Variants in AUTS2 observed in about 807,000 individuals in gnomAD.
The protein encoded by AUTS2 is activator of transcription and developmental regulator AUTS2, also known as autism susceptibility gene 2 protein.
In AUTS2, 17 loss-of-function variants were observed where a neutral mutation model predicts 112.4. The observed-to-expected ratio is 0.15, with a 90% CI of 0.10 to 0.23. The LOEUF (loss-of-function observed/expected upper bound fraction) is 0.23, where lower values mean the gene tolerates loss of function less well. AUTS2 is among the 10% of genes least tolerant of loss of function. The probability of loss-of-function intolerance (pLI) is 1.00; values close to 1 mark genes in which losing one functional copy is unlikely to be tolerated. For synonymous variants in AUTS2, 751 were observed against 702.7 expected (o/e 1.07, Z -1.09); for missense variants, 1,510 against 1,701.6 (o/e 0.89, Z 1.98).
chr7:70,140,428 C>G (rs1806800838), intron 4 of AUTS2, among the ~76,000 whole-genome samples: 1 of 152,106 alleles, frequency 6.6e-6, no homozygotes, highest in Non-Finnish European at 1.5e-5. Flanking sequence ...TTTGAGCTCT[C>G]CAGAGAACCT....
At chr7:70,028,537 C>T (rs1292494840) in intron 2 of AUTS2, among the ~76,000 whole-genome samples, 2 of 152,160 alleles carry the variant, frequency 1.3e-5, no homozygotes, top group Non-Finnish European at 2.9e-5. Context: ...TTGTATCCAG[C>T]ATCTTGTCTC....
chr7:70,178,741 A>T (rs182732612), intron 4 of AUTS2, among the ~76,000 whole-genome samples: 2 of 152,270 alleles, frequency 1.3e-5, no homozygotes, highest in African/African-American at 4.8e-5. Flanking sequence ...TGGAGGTTGC[A>T]GTGAGCTGAG....
intron 4 of AUTS2, among the ~76,000 whole-genome samples, chr7:70,407,825 C>A (rs1021499123): frequency 1.3e-5 from 2 of 152,008 alleles, no homozygotes; most frequent in East Asian, 1.9e-4. Context: ...GAGGCCAAGG[C>A]GGGCGGATCA....
intron 1 of AUTS2, among the ~76,000 whole-genome samples, chr7:69,667,017 C>A (rs1302132023): frequency 1.3e-5 from 2 of 152,150 alleles, no homozygotes; most frequent in African/African-American, 4.8e-5. Context: ...TTATTTCTTA[C>A]AGTTGTTGGA....
chr7:70,331,169 G>A (rs1288144395), intron 4 of AUTS2, among the ~76,000 whole-genome samples: 4 of 152,158 alleles, frequency 2.6e-5, no homozygotes, highest in Middle Eastern at 3.4e-3. Flanking sequence ...CTGTGAATCC[G>A]TCTGGTCCTG....
At chr7:70,058,853 A>C (rs548898869) in intron 2 of AUTS2, among the ~76,000 whole-genome samples, 56 of 152,126 alleles carry the variant, frequency 3.7e-4, no homozygotes, top group Non-Finnish European at 5.6e-4. Flanking sequence ...ACACACATAC[A>C]CTTCATTTTT....
At chr7:69,628,698 T>G (rs1351377375) in intron 1 of AUTS2, among the ~76,000 whole-genome samples, 2 of 152,120 alleles carry the variant, frequency 1.3e-5, no homozygotes, top group Non-Finnish European at 2.9e-5. Flanking sequence ...GATGCCACAC[T>G]TTTAAACAAG....
rs375278828 is a variant in AUTS2, at chr7:70,517,547, A to G, written c.690+81766A>G. On this transcript the variant is annotated intron_variant, in intron 5 of 18. Transcript: ENST00000342771. ...ATATACAAATTGCATATACACATAT[A>G]TACAAATTGCATATACACATATATA... Among the ~76,000 whole-genome samples, 26 of 149,680 alleles carry G rather than the reference A, an allele frequency of 1.7e-4. No individual in the cohort carries two copies. The East Asian group carries it at 4.7e-3, about 27-fold the overall frequency.
chr7:70,480,492 T>G (rs1440180154), intron 5 of AUTS2, among the ~76,000 whole-genome samples: 1 of 152,176 alleles, frequency 6.6e-6, no homozygotes, highest in Non-Finnish European at 1.5e-5. Context: ...ATTTCCCTCT[T>G]GACATTTTGA....
intron 4 of AUTS2, among the ~76,000 whole-genome samples, chr7:70,290,196 T>A (rs1354023973): frequency 6.6e-6 from 1 of 152,178 alleles, no homozygotes; most frequent in East Asian, 1.9e-4. Flanking sequence ...ATTTTAAAAT[T>A]CTCTGTTATA....
chr7:70,036,230 G>A (rs998696421), intron 2 of AUTS2, among the ~76,000 whole-genome samples: 2 of 152,230 alleles, frequency 1.3e-5, no homozygotes, highest in Non-Finnish European at 2.9e-5. Flanking sequence ...CGTGCTAAGA[G>A]TGAGACTGGA....
At chr7:70,062,844 A>G (rs1802316478) in intron 2 of AUTS2, among the ~76,000 whole-genome samples, 2 of 152,220 alleles carry the variant, frequency 1.3e-5, no homozygotes, top group Non-Finnish European at 2.9e-5. Flanking sequence ...GAAAGGAACT[A>G]GGCTACTTCC....
Position 70,435,738 on chromosome 7 carries a change from G to A in AUTS2, c.661-14G>A, listed in dbSNP as rs1233207764. ...TTCTTGCACTAACCCTTATTCTCTT[G>A]TCTTCATTTTCAGTGTGACAGTGAC... On this transcript the variant is annotated splice_polypyrimidine_tract_variant and intron_variant, in intron 4 of 18. Coordinates refer to ENST00000342771, the MANE Select transcript of AUTS2 (RefSeq NM_015570.4). 1.2e-6 allele frequency: 2 copies of A among 1,613,854 alleles called. No homozygotes were observed. Among genetic ancestry groups the A allele is most frequent in the Non-Finnish European group, 1.7e-6 (2 of 1,179,910 alleles).
chr7:70,073,279 G>A (rs1366334326), intron 2 of AUTS2, among the ~76,000 whole-genome samples: 1 of 151,792 alleles, frequency 6.6e-6, no homozygotes, highest in East Asian at 1.9e-4. Context: ...GGGAAGCCGA[G>A]GTGGGCAGAT....
At chr7:69,716,645 G>A (rs1014866602) in intron 1 of AUTS2, among the ~76,000 whole-genome samples, 4 of 151,980 alleles carry the variant, frequency 2.6e-5, no homozygotes, top group African/African-American at 9.7e-5. Flanking sequence ...CTGTCTACCT[G>A]GAGATAGTAT....
At chr7:70,005,555 C>G (rs1478962228) in intron 2 of AUTS2, among the ~76,000 whole-genome samples, 1 of 152,088 alleles carries the variant, frequency 6.6e-6, no homozygotes, top group Non-Finnish European at 1.5e-5. Context: ...ATCTAGGGGG[C>G]TGTTATAACA....
At chr7:70,098,060 T>C (rs566579684) in intron 2 of AUTS2, among the ~76,000 whole-genome samples, 1 of 151,994 alleles carries the variant, frequency 6.6e-6, no homozygotes, top group Non-Finnish European at 1.5e-5. Context: ...AAAGGTAAGC[T>C]CCCATTAAAA....
At chr7:70,222,563 A>G (rs1584896463) in intron 4 of AUTS2, among the ~76,000 whole-genome samples, 1 of 151,892 alleles carries the variant, frequency 6.6e-6, no homozygotes, top group South Asian at 2.1e-4. Flanking sequence ...CTAAGGAATC[A>G]CCCTATCTTC....
chr7:69,809,847 G>A (rs975200437), intron 1 of AUTS2, among the ~76,000 whole-genome samples: 5 of 152,108 alleles, frequency 3.3e-5, no homozygotes, highest in African/African-American at 1.2e-4. Context: ...GGTATATACT[G>A]TCCTCATCAG....
Sources: allele counts gnomAD v4.1 joint callset (sites outside exome capture counted in the v4.1 genomes callset), GRCh38; gene constraint gnomAD v4.1.1; transcripts MANE v1.5; gene names NCBI Gene and HGNC (gene_info 2026-07-23, HGNC 2026-07-21).